CRCP: variants seen among roughly 807,000 people sequenced by gnomAD.
CRCP encodes the protein DNA-directed RNA polymerase III subunit RPC9.
Under a neutral mutation model 18.5 loss-of-function variants are expected in CRCP, and 18 were observed. The observed-to-expected ratio is 0.97, with a 90% CI of 0.67 to 1.44. CRCP has a LOEUF of 1.44. CRCP is among the 40% of genes most tolerant of loss of function. CRCP has a pLI of 0.00. For missense variants in CRCP, 130 were observed against 176.4 expected (o/e 0.74, Z 1.49); for synonymous variants, 53 against 62.9 (o/e 0.84, Z 0.75).
At chr7:66,131,577 CTGGGAACTTACACGCTTAAGGCTAT>C (rs1787805413) in intron 3 of CRCP, among the ~76,000 whole-genome samples, 1 of 152,048 alleles carries the variant, frequency 6.6e-6, no homozygotes, top group African/African-American at 2.4e-5. Flanking sequence ...TCCCAAAGTG[CTGGGAACTTACACGCTTAAGGCTAT>C]TATTTTTCAA....
At position 66,114,897 on chromosome 7, in the gene CRCP, CG is replaced by C; in HGVS notation, c.-64del. ...GGCACCTTGGCGCTGTTGGTGGCGG[CG>C]GAGACAGCTGTGAAGTGTGAGGTTC... On this transcript the variant is annotated 5_prime_UTR_variant, in exon 1 of 6. Coordinates refer to ENST00000395326, the MANE Select transcript of CRCP (RefSeq NM_014478.5). 1 of 1,609,032 alleles carries C rather than the reference CG, an allele frequency of 6.2e-7. No homozygotes were observed.
chr7:66,141,656 G>A (rs188497387), intron 4 of CRCP, among the ~76,000 whole-genome samples: 233 of 152,334 alleles, frequency 1.5e-3, no homozygotes, highest in African/African-American at 5.4e-3. Context: ...GCAGTTTTAA[G>A]GAGGGAATGA....
intron 2 of CRCP, among the ~76,000 whole-genome samples, chr7:66,129,317 C>T (rs1329914495): frequency 1.3e-5 from 2 of 151,976 alleles, no homozygotes; most frequent in African/African-American, 4.8e-5. Flanking sequence ...TGGGCGACAG[C>T]GAGACTCCGT....
intron 3 of CRCP, among the ~76,000 whole-genome samples, chr7:66,131,847 T>A (rs1787815895): frequency 6.6e-6 from 1 of 151,944 alleles, no homozygotes; most frequent in South Asian, 2.1e-4. Context: ...GGCTCACCTC[T>A]GGCTCCCGGG....
intron 4 of CRCP, among the ~76,000 whole-genome samples, chr7:66,143,690 C>G (rs779767504): frequency 6.6e-6 from 1 of 152,202 alleles, no homozygotes; most frequent in African/African-American, 2.4e-5. Context: ...TGACACTTTC[C>G]ATCCATTATC....
intron 2 of CRCP, among the ~76,000 whole-genome samples, chr7:66,129,749 G>A (rs1328095470): frequency 6.6e-6 from 1 of 152,128 alleles, no homozygotes; most frequent in Non-Finnish European, 1.5e-5. Context: ...AGGTGTTTGG[G>A]TGTTTTATCC....
intron 1 of CRCP, among the ~76,000 whole-genome samples, chr7:66,121,806 T>C (rs1475184649): frequency 6.6e-6 from 1 of 152,192 alleles, no homozygotes; most frequent in Non-Finnish European, 1.5e-5. Context: ...TGTCAGGATT[T>C]CTTTCCTTTT....
intron 1 of CRCP, among the ~76,000 whole-genome samples, chr7:66,115,294 T>G (rs1025938757): frequency 4.6e-5 from 7 of 152,184 alleles, no homozygotes; most frequent in African/African-American, 1.7e-4. Flanking sequence ...GAGCCCAGTC[T>G]GGTATCCGAC....
Position 66,145,452 on chromosome 7 carries a change from G to C in CRCP, c.249G>C (p.Lys83Asn), listed in dbSNP as rs148981826. 1.9e-6 allele frequency: 3 copies of C among 1,613,888 alleles called. No homozygotes were observed. Among genetic ancestry groups the C allele is most frequent in the Non-Finnish European group, 2.5e-6 (3 of 1,179,872 alleles). Residue 83 changes from lysine (K) to asparagine (N), a missense_variant, in exon 5 of 6, where the codon AAG becomes AAC. Coordinates refer to ENST00000395326, the MANE Select transcript of CRCP (RefSeq NM_014478.5). Reference sequence around the variant, plus strand: ...TACTTTCCCTCCACAGAGCTGAGAAGCTCCAGCTGCTGAACCACCGGCCTG... The same window carrying C: ...TACTTTCCCTCCACAGAGCTGAGAACCTCCAGCTGCTGAACCACCGGCCTG... The part of the protein sequence containing the change: ...LKSHKLTKAE[K>N]LQLLNHRPVT...
At chr7:66,115,231 C>G (rs555000881) in intron 1 of CRCP, among the ~76,000 whole-genome samples, 7 of 152,284 alleles carry the variant, frequency 4.6e-5, no homozygotes, top group African/African-American at 1.4e-4. Context: ...TTCAATGTGC[C>G]CCCTCCTTCT....
Position 66,152,543 on chromosome 7 carries a change from G to A in CRCP, c.*186G>A. 1.6e-6 allele frequency: 1 copy of A among 636,508 alleles called. No homozygotes were observed. The highest frequency in any genetic ancestry group is 2.6e-6 in the Non-Finnish European group (1 of 380,598). The allele number at this position is 636,508 out of a possible 1,614,324, so 39.4% of individuals were successfully genotyped here. A position where few individuals can be genotyped will look rare whatever the true frequency, so the allele number is the denominator to read the frequency against. The stretch of plus-strand genomic sequence containing the variant: ...GTGCCTTGGGGAGAAGAAACATGGT[G>A]AAAACAGGCTGAGGTTGTCAGGGCA... On this transcript the variant is annotated 3_prime_UTR_variant, in exon 6 of 6. Coordinates refer to ENST00000395326, the MANE Select transcript of CRCP (RefSeq NM_014478.5).
At chr7:66,142,464 A>G (rs757144046) in intron 4 of CRCP, among the ~76,000 whole-genome samples, 5 of 152,092 alleles carry the variant, frequency 3.3e-5, no homozygotes, top group East Asian at 3.9e-4. Flanking sequence ...CAGGCCACCA[A>G]TGACCTCTTG....
intron 1 of CRCP, among the ~76,000 whole-genome samples, chr7:66,123,415 A>G (rs1289249947): frequency 2.6e-5 from 4 of 152,184 alleles, no homozygotes; most frequent in Non-Finnish European, 5.9e-5. Context: ...TTCTACGTTT[A>G]TAATTGCTAG....
At chr7:66,137,138 C>T (rs981383202) in intron 4 of CRCP, among the ~76,000 whole-genome samples, 2 of 151,936 alleles carry the variant, frequency 1.3e-5, no homozygotes, top group African/African-American at 4.8e-5. Context: ...AAAAACAACC[C>T]GCCAATACTG....
At chr7:66,130,097 CTTTTTTTTT>C (rs35682014) in intron 2 of CRCP, 7 of 100,566 alleles carry the variant, frequency 7.0e-5, no homozygotes, top group Middle Eastern at 5.2e-3. Flanking sequence ...AAGCAGGATT[CTTTTTTTTT>C]TTTTTTTTTT....
intron 1 of CRCP, among the ~76,000 whole-genome samples, chr7:66,122,320 A>T (rs879849020): frequency 4.9e-5 from 7 of 143,768 alleles, no homozygotes; most frequent in Non-Finnish European, 1.0e-4. Flanking sequence ...GTTTGCGGTG[A>T]GCTGAGATCG....
At chr7:66,129,544 C>T (rs986102906) in intron 2 of CRCP, among the ~76,000 whole-genome samples, 26 of 151,936 alleles carry the variant, frequency 1.7e-4, no homozygotes, top group Non-Finnish European at 2.8e-4. Context: ...AGAAAGAAAC[C>T]TACCCCCTTG....
At chr7:66,121,216 A>C (rs1181207951) in intron 1 of CRCP, among the ~76,000 whole-genome samples, 2 of 151,570 alleles carry the variant, frequency 1.3e-5, no homozygotes, top group Admixed American at 1.3e-4. Context: ...CTGCCTGGCT[A>C]ATTTTTGTAT....
At chr7:66,150,364 AGTTGAAGATTGT>A (rs1331858896) in intron 5 of CRCP, among the ~76,000 whole-genome samples, 2 of 22,068 alleles carry the variant, frequency 9.1e-5, no homozygotes, top group Non-Finnish European at 1.8e-4. Context: ...GAAGGGGGGG[AGTTGAAGATTGT>A]TTCTTTCTCA....
Sources: gnomAD v4.1 joint callset for allele counts (sites outside exome capture counted in the v4.1 genomes callset) on GRCh38, gnomAD v4.1.1 for gene constraint, MANE v1.5 for transcripts, NCBI Gene and HGNC (gene_info 2026-07-23, HGNC 2026-07-21) for gene names.